The following PPP1R12B variants were observed in gnomAD, a reference collection of about 807,000 sequenced individuals.
PPP1R12B encodes the protein myosin phosphatase target subunit 2.
PPP1R12B carries 76 observed loss-of-function variants against 126.1 expected under a neutral mutation model. The ratio of observed to expected loss-of-function variants is 0.60; its 90% confidence interval spans 0.50 to 0.73. PPP1R12B has a LOEUF of 0.73. Ranked by LOEUF, PPP1R12B falls within the 30% of genes least tolerant of loss-of-function variation. The pLI, the probability that PPP1R12B is intolerant of heterozygous loss-of-function variation, is 0.00. For missense variants in PPP1R12B, 1,052 were observed against 1,205.1 expected (o/e 0.87, Z 1.88); for synonymous variants, 356 against 434.7 (o/e 0.82, Z 2.25).
intron 14 of PPP1R12B, among the ~76,000 whole-genome samples, chr1:202,490,956 A>G (rs377666775): frequency 6.6e-6 from 1 of 152,174 alleles, no homozygotes; most frequent in African/African-American, 2.4e-5. Flanking sequence ...CCTGCTTTCA[A>G]TTCTTTTGGG....
At chr1:202,385,661 A>G (rs554671746) in intron 1 of PPP1R12B, among the ~76,000 whole-genome samples, 1 of 152,290 alleles carries the variant, frequency 6.6e-6, no homozygotes, top group East Asian at 1.9e-4. Flanking sequence ...AGATCAAAAA[A>G]CCTGAGGTTC....
At chr1:202,359,513 G>A (rs1657762733) in intron 1 of PPP1R12B, among the ~76,000 whole-genome samples, 1 of 152,006 alleles carries the variant, frequency 6.6e-6, no homozygotes, top group Non-Finnish European at 1.5e-5. Context: ...TGGGCGTGGT[G>A]GCTCATGCCT....
rs1437147958 is a variant in PPP1R12B at position 202,585,390 on chromosome 1, C to T, written c.*4830C>T. ...GGCAGCTTTGAGGACAAAAAGGCAA[C>T]ATTAAAAGATAAGACCCTAGAAGTC... On this transcript the variant is annotated 3_prime_UTR_variant, in exon 24 of 24. Transcript: ENST00000608999. The T allele has an allele frequency of 2.0e-5, 3 of 152,232 alleles. No individual in the cohort carries two copies. The highest frequency in any genetic ancestry group is 3.8e-4 in the East Asian group (2 of 5,198). 9.4% of individuals were successfully genotyped at this position (152,232 alleles called of 1,614,324 possible).
At chr1:202,521,465 AAGTT>A (rs1682780100) in intron 18 of PPP1R12B, among the ~76,000 whole-genome samples, 2 of 152,198 alleles carry the variant, frequency 1.3e-5, no homozygotes, top group Non-Finnish European at 2.9e-5. Flanking sequence ...TGTACAGAAG[AAGTT>A]AGATTTTACA....
chr1:202,465,900 C>T (rs1044563157), intron 13 of PPP1R12B, among the ~76,000 whole-genome samples: 1 of 152,108 alleles, frequency 6.6e-6, no homozygotes, highest in Non-Finnish European at 1.5e-5. Context: ...ATAGTAATAG[C>T]TCAAGAATCC....
intron 13 of PPP1R12B, among the ~76,000 whole-genome samples, chr1:202,488,087 A>G (rs1678393294): frequency 2.0e-5 from 3 of 152,280 alleles, no homozygotes; most frequent in Non-Finnish European, 1.5e-5. Context: ...AAATGCCAGC[A>G]TCACTACTCT....
At chr1:202,464,624 A>G (rs1674750964) in intron 13 of PPP1R12B, among the ~76,000 whole-genome samples, 1 of 152,168 alleles carries the variant, frequency 6.6e-6, no homozygotes. Flanking sequence ...CTCTCCAGCT[A>G]AGCCCACAAT....
chr1:202,464,001 G>A (rs530480327), intron 13 of PPP1R12B, among the ~76,000 whole-genome samples: 4 of 151,988 alleles, frequency 2.6e-5, no homozygotes, highest in Non-Finnish European at 4.4e-5. Flanking sequence ...TTGTCCATGC[G>A]TGACCTTCTT....
At chr1:202,518,997 A>G (rs758849670) in intron 18 of PPP1R12B, among the ~76,000 whole-genome samples, 17 of 152,214 alleles carry the variant, frequency 1.1e-4, no homozygotes, top group Admixed American at 2.6e-4. Flanking sequence ...ACAAATAGCA[A>G]TGTAGATGAT....
chr1:202,350,682 G>A (rs907127191), intron 1 of PPP1R12B, among the ~76,000 whole-genome samples: 1 of 150,886 alleles, frequency 6.6e-6, no homozygotes, highest in East Asian at 1.9e-4. Context: ...GTGCAATGGC[G>A]AGATCTTGGC....
At chr1:202,476,680 C>T (rs1251314992) in intron 13 of PPP1R12B, among the ~76,000 whole-genome samples, 1 of 148,896 alleles carries the variant, frequency 6.7e-6, no homozygotes. Flanking sequence ...AAGACTCTGT[C>T]TCAAAAAAAA....
At chr1:202,368,139 T>G (rs1374006002) in intron 1 of PPP1R12B, among the ~76,000 whole-genome samples, 1 of 151,938 alleles carries the variant, frequency 6.6e-6, no homozygotes, top group Non-Finnish European at 1.5e-5. Flanking sequence ...CCGGCTAATT[T>G]TTTGTATTTT....
chr1:202,479,502 G>A (rs1481286659), intron 13 of PPP1R12B, among the ~76,000 whole-genome samples: 1 of 152,200 alleles, frequency 6.6e-6, no homozygotes, highest in Non-Finnish European at 1.5e-5. Flanking sequence ...CTATGAGCCT[G>A]AGAAACTGAA....
intron 1 of PPP1R12B, among the ~76,000 whole-genome samples, chr1:202,372,313 G>T (rs1660425584): frequency 6.6e-6 from 1 of 152,030 alleles, no homozygotes; most frequent in South Asian, 2.1e-4. Flanking sequence ...AGACCAGCCT[G>T]GGCAACAAAG....
chr1:202,449,872 G>C (rs1672718193), intron 13 of PPP1R12B, among the ~76,000 whole-genome samples: 1 of 151,378 alleles, frequency 6.6e-6, no homozygotes, highest in African/African-American at 2.4e-5. Context: ...ATTTTTAGTA[G>C]AGACGGGGTT....
At chr1:202,509,971 A>G (rs1452174468) in intron 18 of PPP1R12B, among the ~76,000 whole-genome samples, 2 of 152,200 alleles carry the variant, frequency 1.3e-5, no homozygotes, top group Admixed American at 6.5e-5. Flanking sequence ...TGAGCATGGG[A>G]TGGCATAATT....
intron 18 of PPP1R12B, among the ~76,000 whole-genome samples, chr1:202,548,769 GCTCGCTGT>G (rs1304981191): frequency 2.9e-5 from 3 of 102,902 alleles, no homozygotes; most frequent in Non-Finnish European, 2.0e-5. Flanking sequence ...TCGCTCACTC[GCTCGCTGT>G]CTCTCTCTCT....
At chr1:202,457,613 T>C (rs1193043107) in intron 13 of PPP1R12B, among the ~76,000 whole-genome samples, 2 of 151,310 alleles carry the variant, frequency 1.3e-5, no homozygotes, top group East Asian at 1.9e-4. Flanking sequence ...ATAACTATTA[T>C]GGGAAGTCAA....
chr1:202,455,108 A>G (rs1673450432), intron 13 of PPP1R12B, among the ~76,000 whole-genome samples: 1 of 152,142 alleles, frequency 6.6e-6, no homozygotes. Flanking sequence ...TCTTTTGGAG[A>G]AACAGAGAAG....
Sources: allele counts gnomAD v4.1 joint callset (sites outside exome capture counted in the v4.1 genomes callset), GRCh38; gene constraint gnomAD v4.1.1; transcripts MANE v1.5; gene names NCBI Gene and HGNC (gene_info 2026-07-23, HGNC 2026-07-21).